Variants in C12orf42 observed in about 807,000 individuals in gnomAD.
C12orf42 encodes the protein chromosome 12 open reading frame 42, also known as uncharacterized protein C12orf42.
C12orf42 carries 25 observed loss-of-function variants against 21.6 expected under a neutral mutation model. The observed-to-expected ratio is 1.16, with a 90% CI of 0.84 to 1.62. The LOEUF (loss-of-function observed/expected upper bound fraction) is 1.62, where lower values mean the gene tolerates loss of function less well. Among genes scored for constraint, C12orf42 ranks in the 40% most tolerant of loss-of-function variants. The pLI, the probability that C12orf42 is intolerant of heterozygous loss-of-function variation, is 0.00. For missense variants in C12orf42, 483 were observed against 459.3 expected (o/e 1.05, Z -0.47); for synonymous variants, 174 against 175.0 (o/e 0.99, Z 0.05).
At chr12:103,528,347 G>A in the C12orf42 span, among the ~76,000 whole-genome samples, 3 of 152,224 alleles carry the variant, frequency 2.0e-5, no homozygotes, top group Admixed American at 6.5e-5. Context: ...TGGCATGAAA[G>A]AGACTACAGT....
the C12orf42 span, among the ~76,000 whole-genome samples, chr12:103,206,785 C>A: frequency 6.6e-6 from 1 of 152,266 alleles, no homozygotes; most frequent in Admixed American, 6.5e-5. Flanking sequence ...ACGTTTCATC[C>A]AGCCAAGTGA....
the C12orf42 span, among the ~76,000 whole-genome samples, chr12:103,562,956 C>T: frequency 6.6e-6 from 1 of 152,224 alleles, no homozygotes; most frequent in Non-Finnish European, 1.5e-5. Context: ...TAACACCTTC[C>T]CTTCTGTGAA....
At chr12:103,329,621 A>AC (rs2041043442) in intron 4 of C12orf42, among the ~76,000 whole-genome samples, 1 of 151,918 alleles carries the variant, frequency 6.6e-6, no homozygotes, top group South Asian at 2.1e-4. Context: ...CTGCTTAAAA[A>AC]AAAAAAAAGG....
the C12orf42 span, among the ~76,000 whole-genome samples, chr12:103,144,143 T>G: frequency 6.6e-6 from 1 of 152,194 alleles, no homozygotes; most frequent in Non-Finnish European, 1.5e-5. Context: ...GGGGAGACTC[T>G]TAGTTAAAGA....
At chr12:103,266,279 A>G (rs2035166001), downstream of C12orf42, among the ~76,000 whole-genome samples, 1 of 152,166 alleles carries the variant, frequency 6.6e-6, no homozygotes. Flanking sequence ...AAGATACATA[A>G]AACAAAAGCC....
intron 2 of C12orf42, among the ~76,000 whole-genome samples, chr12:103,468,546 C>T (rs1023835930): frequency 6.6e-6 from 1 of 152,054 alleles, no homozygotes; most frequent in Non-Finnish European, 1.5e-5. Context: ...TTAAAATTCT[C>T]ATTGTTTTTA....
At chr12:103,535,437 C>A in the C12orf42 span, among the ~76,000 whole-genome samples, 1 of 150,078 alleles carries the variant, frequency 6.7e-6, no homozygotes, top group Non-Finnish European at 1.5e-5. Flanking sequence ...TTAAATCGAA[C>A]CTTCCACCAA....
At chr12:103,236,534 T>A (rs1256041662), downstream of C12orf42, among the ~76,000 whole-genome samples, 1 of 152,208 alleles carries the variant, frequency 6.6e-6, no homozygotes, top group East Asian at 1.9e-4. Flanking sequence ...CAAACCTGAT[T>A]ATTCTCCCAA....
downstream of C12orf42, among the ~76,000 whole-genome samples, chr12:103,236,800 A>T (rs935098283): frequency 3.2e-4 from 48 of 152,136 alleles, 1 homozygote; most frequent in African/African-American, 1.2e-3. Flanking sequence ...GGGGGCTTTC[A>T]TGCTTTTGTG....
At chr12:103,340,395 G>A (rs563775515) in intron 4 of C12orf42, among the ~76,000 whole-genome samples, 16 of 152,352 alleles carry the variant, frequency 1.1e-4, no homozygotes, top group Non-Finnish European at 1.9e-4. Context: ...GCACTGGATA[G>A]TGTGCTCAAA....
chr12:103,379,642 G>T (rs1207782965), intron 3 of C12orf42, among the ~76,000 whole-genome samples: 1 of 152,182 alleles, frequency 6.6e-6, no homozygotes, highest in Non-Finnish European at 1.5e-5. Context: ...ATTATCCAAT[G>T]ATTTATTACA....
At chr12:103,067,021 C>T in the C12orf42 span, among the ~76,000 whole-genome samples, 1 of 152,222 alleles carries the variant, frequency 6.6e-6, no homozygotes, top group Non-Finnish European at 1.5e-5. Flanking sequence ...CTAAGGCTGA[C>T]CTGGCTACGA....
At chr12:103,143,462 G>T in the C12orf42 span, among the ~76,000 whole-genome samples, 1 of 152,196 alleles carries the variant, frequency 6.6e-6, no homozygotes, top group Non-Finnish European at 1.5e-5. Flanking sequence ...GTTCTGAGGA[G>T]TCAGGGGGTT....
chr12:103,137,784 C>A, the C12orf42 span, among the ~76,000 whole-genome samples: 1 of 152,084 alleles, frequency 6.6e-6, no homozygotes, highest in Non-Finnish European at 1.5e-5. Flanking sequence ...AAGACAAATA[C>A]TGCATGTTCT....
chr12:103,524,589 A>G, the C12orf42 span, among the ~76,000 whole-genome samples: 1 of 152,214 alleles, frequency 6.6e-6, no homozygotes, highest in Non-Finnish European at 1.5e-5. Context: ...CAGCCCAGCA[A>G]CACAGTCAGG....
At chr12:103,151,929 C>T in the C12orf42 span, 1 of 152,192 alleles carries the variant, frequency 6.6e-6, no homozygotes, top group African/African-American at 2.4e-5. Context: ...GTAGGCCTGA[C>T]TTAACCAGAT....
At chr12:103,506,226 AT>A in the C12orf42 span, 3 of 153,296 alleles carry the variant, frequency 2.0e-5, no homozygotes, top group African/African-American at 7.3e-5. Flanking sequence ...ATCACCAGCC[AT>A]TTATTCTAAG....
chr12:103,196,219 A>G, the C12orf42 span, among the ~76,000 whole-genome samples: 4 of 152,074 alleles, frequency 2.6e-5, no homozygotes, highest in Admixed American at 2.6e-4. Flanking sequence ...AGATTGTTTA[A>G]TTTCCATATA....
intron 10 of C12orf42, among the ~76,000 whole-genome samples, chr12:103,239,569 T>C (rs1283792483): frequency 6.6e-6 from 1 of 152,216 alleles, no homozygotes; most frequent in Non-Finnish European, 1.5e-5. Context: ...TCGTGTTTCC[T>C]ACCATAACAG....
Sources: allele counts gnomAD v4.1 joint callset (sites outside exome capture counted in the v4.1 genomes callset), GRCh38; gene constraint gnomAD v4.1.1; transcripts MANE v1.5; gene names NCBI Gene and HGNC (gene_info 2026-07-23, HGNC 2026-07-21).